Variants in RTTN observed in about 807,000 individuals in gnomAD.
The protein encoded by RTTN is rotatin.
In RTTN, 182 loss-of-function variants were observed where a neutral mutation model predicts 269.2. The observed-to-expected ratio is 0.68, with a 90% CI of 0.60 to 0.76. RTTN has a LOEUF of 0.76. Ranked by LOEUF, RTTN falls within the 30% of genes least tolerant of loss-of-function variation. The probability of loss-of-function intolerance (pLI) is 0.00; values close to 1 mark genes in which losing one functional copy is unlikely to be tolerated. For synonymous variants in RTTN, 1,006 were observed against 963.5 expected (o/e 1.04, Z -0.82); for missense variants, 2,545 against 2,608.6 (o/e 0.98, Z 0.53).
chr18:70,058,414 A>G (rs74886130), intron 36 of RTTN, among the ~76,000 whole-genome samples: 1 of 152,160 alleles, frequency 6.6e-6, no homozygotes, highest in East Asian at 1.9e-4. Flanking sequence ...GCTACTCAGG[A>G]GGTTGAGACA....
intron 27 of RTTN, among the ~76,000 whole-genome samples, chr18:70,110,236 T>TA (rs80034761): frequency 2.9e-3 from 377 of 128,766 alleles, no homozygotes; most frequent in African/African-American, 5.9e-3. Flanking sequence ...CATCCCTTTT[T>TA]AAAAAAAAAA....
Position 70,135,236 on chromosome 18 carries a change from C to A in RTTN, c.2833G>T (p.Gly945Ter). 1 of 1,540,830 alleles carries A rather than the reference C, an allele frequency of 6.5e-7. No individual in the cohort carries two copies. The highest frequency in any genetic ancestry group is 8.7e-7 in the Non-Finnish European group (1 of 1,152,956). Reference protein sequence around the residue: ...HEDCSVVTEVGALFCLLLFDE... With the variant: ...HEDCSVVTEV ...AATAATAGAAGACAAAATAGTGCTC[C>A]AACTTCAGTCACGACACTACAATCT... The change falls in exon 22 of 49, where the codon GGA becomes TGA. Residue 945 changes from glycine to a stop codon, truncating the protein, a stop_gained. Coordinates refer to ENST00000640769, the MANE Select transcript of RTTN (RefSeq NM_173630.4). LOFTEE classifies it high-confidence loss of function.
chr18:70,031,008 T>A, intron 40 of RTTN, 27 bp from the exon 41 acceptor site: 1 of 1,509,154 alleles, frequency 6.6e-7, no homozygotes, highest in Non-Finnish European at 9.1e-7. Context: ...TCAAACTGCC[T>A]TGAAGAAATA....
At chr18:70,105,162 G>A (rs893651563) in intron 28 of RTTN, among the ~76,000 whole-genome samples, 17 of 152,202 alleles carry the variant, frequency 1.1e-4, no homozygotes, top group African/African-American at 2.4e-4. Flanking sequence ...CGAGCTTCCC[G>A]GCCGCTTTGA....
intron 43 of RTTN, among the ~76,000 whole-genome samples, chr18:70,027,745 T>C (rs1202188105): frequency 1.3e-5 from 2 of 152,320 alleles, no homozygotes; most frequent in Admixed American, 1.3e-4. Flanking sequence ...AAAAAGTTCA[T>C]ATAAATTCAT....
chr18:70,019,242 T>C (rs1254837775), intron 45 of RTTN: 3 of 152,166 alleles, frequency 2.0e-5, no homozygotes, highest in Non-Finnish European at 4.4e-5. Flanking sequence ...TGAAAGAGAA[T>C]AGGTCTCCAG....
intron 14 of RTTN, among the ~76,000 whole-genome samples, chr18:70,156,158 C>A (rs1269983672): frequency 6.6e-6 from 1 of 152,280 alleles, no homozygotes; most frequent in East Asian, 1.9e-4. Context: ...TGGAACAGAG[C>A]CATATTTCTC....
Position 70,048,151 on chromosome 18 carries a change from A to G in RTTN, c.5361T>C (p.Cys1787=). ...FCTCAGLSAT[C]PALYTASLQF... ...GCAAGCTGGCAGTATACAGGGCAGG[A>G]CACGTGGCAGACAAGCCTGCACATG... The change falls in exon 40 of 49, where the codon TGT becomes TGC. Residue 1787 remains cysteine (C), a synonymous_variant. Transcript: ENST00000640769. The G allele has an allele frequency of 6.2e-7, 1 of 1,614,140 alleles. No homozygotes were observed. Among genetic ancestry groups the G allele is most frequent in the Non-Finnish European group, 8.5e-7 (1 of 1,179,976 alleles).
chr18:70,168,222 T>C (rs1456243746), intron 12 of RTTN, among the ~76,000 whole-genome samples: 4 of 152,180 alleles, frequency 2.6e-5, no homozygotes, highest in Non-Finnish European at 5.9e-5. Flanking sequence ...TCAGGATCCA[T>C]GTCCTTATTT....
At chr18:70,142,908 C>T (rs2060294888) in intron 18 of RTTN, among the ~76,000 whole-genome samples, 1 of 152,104 alleles carries the variant, frequency 6.6e-6, no homozygotes, top group South Asian at 2.1e-4. Flanking sequence ...ACCTGTAATC[C>T]CAGCTACTCG....
intron 7 of RTTN, chr18:70,194,782 A>C (rs2061762500): frequency 6.6e-6 from 1 of 152,236 alleles, no homozygotes; most frequent in African/African-American, 2.4e-5. Context: ...AGAGTTTACC[A>C]GCTTTGGGGA....
chr18:70,072,637 G>A, intron 34 of RTTN, among the ~76,000 whole-genome samples: 1 of 152,044 alleles, frequency 6.6e-6, no homozygotes. Context: ...GTTAATTAGA[G>A]CAATTATTAT....
chr18:70,183,561 G>A (rs1346212664), intron 10 of RTTN, among the ~76,000 whole-genome samples: 2 of 152,100 alleles, frequency 1.3e-5, no homozygotes, highest in African/African-American at 4.8e-5. Flanking sequence ...CCAAGCAAAG[G>A]TTCTTCTAGA....
chr18:70,082,149 T>C (rs2058585865), intron 32 of RTTN, among the ~76,000 whole-genome samples: 1 of 152,154 alleles, frequency 6.6e-6, no homozygotes, highest in Non-Finnish European at 1.5e-5. Flanking sequence ...CATGAACAAG[T>C]TTATTTAAAT....
intron 21 of RTTN, 25 bp from the exon 22 acceptor site, chr18:70,135,305 A>T (rs2060098828): frequency 1.5e-6 from 2 of 1,310,344 alleles, no homozygotes; most frequent in Middle Eastern, 1.9e-4. Flanking sequence ...GCACAACTTT[A>T]TGAAATATTT....
rs772244328 is a variant in RTTN, at chr18:70,109,535, A to G, written c.3866T>C (p.Leu1289Pro). ...TGACAAGTACTTCACACAGATATCT[A>G]GAGGCTTTGTGAGAGGAGAGTGTGA... is the stretch of plus-strand genomic sequence containing the variant. ...WSSHSPLTKP[L>P]DICVKYLSGL... The change falls in exon 28 of 49, where the codon CTA becomes CCA. Residue 1289 changes from leucine to proline, a missense_variant. By Grantham distance (98) the Leu-to-Pro change is moderately conservative. Transcript: ENST00000640769. 1 of 1,614,182 alleles carries G rather than the reference A, an allele frequency of 6.2e-7. No homozygotes were observed. The highest frequency in any genetic ancestry group is 8.5e-7 in the Non-Finnish European group (1 of 1,180,024).
At chr18:70,118,496 C>T (rs1167261031) in intron 26 of RTTN, among the ~76,000 whole-genome samples, 1 of 152,068 alleles carries the variant, frequency 6.6e-6, no homozygotes, top group Non-Finnish European at 1.5e-5. Flanking sequence ...GGCTTCACTG[C>T]TGAATTCCAC....
At chr18:70,061,393 T>C (rs1164957361) in intron 35 of RTTN, 2 of 456,264 alleles carry the variant, frequency 4.4e-6, no homozygotes, top group Non-Finnish European at 4.4e-6. Flanking sequence ...TTCCAAAGTG[T>C]CGATTCCCTA....
chr18:70,003,518 A>G lies in RTTN; in HGVS notation c.*633T>C, dbSNP rs2056094299. 6.6e-6 allele frequency: 1 copy of G among 152,248 alleles called. No homozygotes were observed. The highest frequency in any genetic ancestry group is 2.1e-4 in the South Asian group (1 of 4,836). 9.4% of individuals were successfully genotyped at this position (152,248 alleles called of 1,614,324 possible). On this transcript the variant is annotated 3_prime_UTR_variant, in exon 49 of 49. Coordinates refer to ENST00000640769, the MANE Select transcript of RTTN (RefSeq NM_173630.4). ...AAGAGTCATCTAGGAAGAAGATAAC[A>G]TCACTAAAACTTGCCTAAGAAAGCT...
Sources: allele counts gnomAD v4.1 joint callset (sites outside exome capture counted in the v4.1 genomes callset), GRCh38; gene constraint gnomAD v4.1.1; transcripts MANE v1.5; gene names NCBI Gene and HGNC (gene_info 2026-07-23, HGNC 2026-07-21).